Variants in KLRG1 observed in about 807,000 individuals in gnomAD.
KLRG1 encodes killer cell lectin like receptor G1.
KLRG1 carries 16 observed loss-of-function variants against 21.8 expected under a neutral mutation model. The ratio of observed to expected loss-of-function variants is 0.73; its 90% CI spans 0.50 to 1.11. The LOEUF (loss-of-function observed/expected upper bound fraction) is 1.11, where lower values mean the gene tolerates loss of function less well. Among genes scored for constraint, KLRG1 ranks in the 50% most tolerant of loss-of-function variants. KLRG1 has a pLI of 0.00. For synonymous variants in KLRG1, 69 were observed against 75.9 expected, an observed-to-expected ratio of 0.91 and a Z score of 0.47; for missense variants, 173 against 218.3, an observed-to-expected ratio of 0.79 and a Z score of 1.31.
At chr12:8,973,566 C>A (rs1946607330) in intron 1 of KLRG1, among the ~76,000 whole-genome samples, 1 of 152,162 alleles carries the variant, frequency 6.6e-6, no homozygotes, top group South Asian at 2.1e-4. Flanking sequence ...TGATCTTGGA[C>A]TTCCAGAGAA....
At chr12:9,195,983 A>C in the KLRG1 span, among the ~76,000 whole-genome samples, 1 of 152,130 alleles carries the variant, frequency 6.6e-6, no homozygotes, top group African/African-American at 2.4e-5. Flanking sequence ...GACAGCCATA[A>C]ATGTTACAAA....
At chr12:9,066,797 A>G in the KLRG1 span, 1 of 152,288 alleles carries the variant, frequency 6.6e-6, no homozygotes, top group African/African-American at 2.4e-5. Context: ...TTCTTAGTTT[A>G]TACAATCCAT....
the KLRG1 span, chr12:9,068,950 G>T: frequency 5.8e-6 from 4 of 690,290 alleles, no homozygotes; most frequent in Middle Eastern, 2.5e-4. Context: ...TTATCCTACA[G>T]CACACTATAG....
the KLRG1 span, chr12:9,072,572 A>T: frequency 6.2e-7 from 1 of 1,600,600 alleles, no homozygotes; most frequent in African/African-American, 1.3e-5. Flanking sequence ...GATCTGTCCC[A>T]TTGTTTTCTG....
At chr12:9,012,768 G>A (rs996703816), downstream of KLRG1, among the ~76,000 whole-genome samples, 2 of 152,018 alleles carry the variant, frequency 1.3e-5, no homozygotes, top group East Asian at 1.9e-4. Context: ...GAGTCAGAGG[G>A]GAGGGAGCCC....
At chr12:9,144,047 C>T in the KLRG1 span, among the ~76,000 whole-genome samples, 16 of 152,266 alleles carry the variant, frequency 1.1e-4, no homozygotes, top group South Asian at 2.1e-4. Context: ...CTGACTTTCC[C>T]GGGTACCATG....
chr12:9,173,968 C>T, the KLRG1 span, among the ~76,000 whole-genome samples: 1 of 152,202 alleles, frequency 6.6e-6, no homozygotes, highest in African/African-American at 2.4e-5. Flanking sequence ...TCCTCGCTAA[C>T]TCATTCTATG....
the KLRG1 span, among the ~76,000 whole-genome samples, chr12:9,018,758 CTT>C: frequency 6.6e-5 from 10 of 150,924 alleles, no homozygotes; most frequent in South Asian, 2.1e-4. Context: ...CCTCCTCTCT[CTT>C]GATATACAAA....
At chr12:9,072,428 A>G in the KLRG1 span, 2 of 1,613,676 alleles carry the variant, frequency 1.2e-6, no homozygotes, top group African/African-American at 2.7e-5. Flanking sequence ...CAGAGTCTGC[A>G]CTCCTAAAGC....
the KLRG1 span, among the ~76,000 whole-genome samples, chr12:9,018,002 A>C: frequency 1.3e-5 from 2 of 152,252 alleles, no homozygotes; most frequent in Non-Finnish European, 2.9e-5. Flanking sequence ...TCAAGAAAGT[A>C]ATCCTATTTA....
At chr12:9,184,669 G>A in the KLRG1 span, among the ~76,000 whole-genome samples, 2 of 152,234 alleles carry the variant, frequency 1.3e-5, no homozygotes, top group Non-Finnish European at 2.9e-5. Context: ...CCATGGAAGT[G>A]TTGTGACCAG....
the KLRG1 span, chr12:9,180,995 G>C: frequency 6.2e-7 from 1 of 1,613,720 alleles, no homozygotes; most frequent in Non-Finnish European, 8.5e-7. Flanking sequence ...AGGACACAGA[G>C]AGCTCAGCCT....
chr12:9,197,097 C>T, the KLRG1 span: 1 of 1,613,084 alleles, frequency 6.2e-7, no homozygotes, highest in Non-Finnish European at 8.5e-7. Flanking sequence ...AGTTGCAAGT[C>T]CTGGGACAGG....
the KLRG1 span, chr12:9,181,157 A>AC: frequency 1.9e-6 from 3 of 1,613,676 alleles, no homozygotes; most frequent in Non-Finnish European, 2.5e-6. Flanking sequence ...GGAAACGTCA[A>AC]CCAGTGTTTT....
chr12:9,111,262 GT>G, the KLRG1 span, among the ~76,000 whole-genome samples: 1 of 152,126 alleles, frequency 6.6e-6, no homozygotes. Context: ...AATAAACCAT[GT>G]TTTAATGGAG....
intron 3 of KLRG1, among the ~76,000 whole-genome samples, chr12:8,995,754 C>G (rs1248248265): frequency 6.6e-6 from 1 of 150,994 alleles, no homozygotes. Context: ...GTGATCTTGG[C>G]TCACTCCAAC....
At chr12:9,147,503 C>A in the KLRG1 span, among the ~76,000 whole-genome samples, 5 of 152,126 alleles carry the variant, frequency 3.3e-5, no homozygotes. Context: ...TTACTGGCTT[C>A]GGTGAGTCTG....
chr12:9,194,076 C>A, the KLRG1 span: 1 of 1,611,896 alleles, frequency 6.2e-7, no homozygotes, highest in African/African-American at 1.3e-5. Flanking sequence ...TCTATACTTA[C>A]CCGGACAAAA....
At chr12:9,150,610 C>G in the KLRG1 span, 1 of 1,395,830 alleles carries the variant, frequency 7.2e-7, no homozygotes, top group Non-Finnish European at 1.0e-6. Context: ...TTTCTTGGCT[C>G]TGGTTAAGAT....
Sources: gnomAD v4.1 joint callset for allele counts (sites outside exome capture counted in the v4.1 genomes callset) on GRCh38, gnomAD v4.1.1 for gene constraint, MANE v1.5 for transcripts, NCBI Gene and HGNC (gene_info 2026-07-23, HGNC 2026-07-21) for gene names.